Variants in MYCBP2 observed in about 807,000 individuals in gnomAD.
MYCBP2 encodes the protein E3 ubiquitin-protein ligase MYCBP2.
MYCBP2 carries 120 observed loss-of-function variants against 525.3 expected under a neutral mutation model. The observed-to-expected ratio is 0.23, with a 90% confidence interval of 0.20 to 0.27. The LOEUF is 0.27. Ranked by LOEUF, MYCBP2 falls within the 10% of genes least tolerant of loss-of-function variation. MYCBP2 has a pLI of 1.00. For synonymous variants in MYCBP2, 1,894 were observed against 1,955.8 expected, an observed-to-expected ratio of 0.97 and a Z score of 0.83; for missense variants, 4,149 against 5,657.1, an observed-to-expected ratio of 0.73 and a Z score of 8.55.
In MYCBP2 at chr13:77,078,724, T is replaced by C. The variant is rs2042775378; in HGVS notation, c.11484+100A>G. ...TCTGTAAATAGATAATTCCCTATAA[T>C]ACTTTGGTTGTGTGCCAAGGGTGGA... On this transcript the variant is annotated intron_variant, in intron 66 of 82. Transcript: ENST00000544440. 6 of 891,330 alleles carry C rather than the reference T, an allele frequency of 6.7e-6. No individual in the cohort carries two copies. The South Asian group carries it at 8.4e-5, about 12-fold the overall frequency. 55.2% of individuals were successfully genotyped at this position (891,330 alleles called of 1,614,324 possible).
intron 55 of MYCBP2, chr13:77,100,084 C>T (rs1168482558): frequency 6.6e-6 from 1 of 152,022 alleles, no homozygotes; most frequent in Non-Finnish European, 1.5e-5. Flanking sequence ...GTATAAAAAA[C>T]TGAAAATCCA....
At chr13:77,166,190 C>T (rs572246367) in intron 41 of MYCBP2, 139 bp downstream of exon 41, 20 of 645,304 alleles carry the variant, frequency 3.1e-5, no homozygotes, top group East Asian at 8.3e-5. Context: ...ATTTATTCCT[C>T]GAATGCAATC....
intron 61 of MYCBP2, among the ~76,000 whole-genome samples, chr13:77,088,460 A>G (rs1440231716): frequency 1.3e-5 from 2 of 152,098 alleles, no homozygotes; most frequent in Non-Finnish European, 2.9e-5. Context: ...AGGCCCAGAG[A>G]AGTTATTACT....
intron 72 of MYCBP2, among the ~76,000 whole-genome samples, chr13:77,065,120 A>T (rs1012586808): frequency 6.6e-6 from 1 of 152,170 alleles, no homozygotes; most frequent in Non-Finnish European, 1.5e-5. Flanking sequence ...TATTACAGGA[A>T]CCTAAAATAT....
chr13:77,092,689 G>C (rs2045632481), intron 59 of MYCBP2: 1 of 152,242 alleles, frequency 6.6e-6, no homozygotes, highest in Non-Finnish European at 1.5e-5. Flanking sequence ...GCCTCCCAAA[G>C]TGCTGGGATT....
chr13:77,297,670 T>C (rs2078339566), intron 1 of MYCBP2, among the ~76,000 whole-genome samples: 1 of 152,132 alleles, frequency 6.6e-6, no homozygotes, highest in Admixed American at 6.6e-5. Context: ...AAAAAAGTAA[T>C]GGGTTTGATT....
intron 15 of MYCBP2, among the ~76,000 whole-genome samples, chr13:77,250,204 C>T (rs2154327893): frequency 1.4e-5 from 2 of 138,242 alleles, no homozygotes; most frequent in South Asian, 2.3e-4. Flanking sequence ...GCCTGGGCGA[C>T]AGAGCGAGAC....
At chr13:77,254,822 T>A (rs1394661393) in intron 14 of MYCBP2, among the ~76,000 whole-genome samples, 2 of 151,810 alleles carry the variant, frequency 1.3e-5, no homozygotes, top group Admixed American at 6.6e-5. Flanking sequence ...ATGAAATCAA[T>A]TTTTTAGTTC....
chr13:77,168,638 T>C lies in MYCBP2; in HGVS notation c.5904A>G (p.Val1968=), dbSNP rs2058787454. Residue 1968 remains valine, a synonymous_variant, in exon 40 of 83, where the codon GTA becomes GTG. Coordinates refer to ENST00000544440, the MANE Select transcript of MYCBP2 (RefSeq NM_015057.5). ...ATTGTTGGACAAGGCCAAAGACTTC[T>C]ACAGCCACCTAGTACACATATAAAA... The part of the protein sequence containing the change: ...PVAAAIPKVA[V]EVFGLVQQLL... The C allele has an allele frequency of 1.2e-6, 2 of 1,614,144 alleles. No homozygotes were observed. The highest frequency in any genetic ancestry group is 2.7e-5 in the African/African-American group (2 of 75,060).
At chr13:77,263,337 T>A (rs1029431711) in intron 10 of MYCBP2, among the ~76,000 whole-genome samples, 2 of 152,012 alleles carry the variant, frequency 1.3e-5, no homozygotes, top group Non-Finnish European at 2.9e-5. Context: ...ATGCAGCATA[T>A]AAACTAATGA....
intron 17 of MYCBP2, among the ~76,000 whole-genome samples, chr13:77,237,473 G>C (rs925028853): frequency 6.6e-6 from 1 of 151,940 alleles, no homozygotes; most frequent in African/African-American, 2.4e-5. Context: ...AAAAATATAT[G>C]TATTATAACA....
intron 5 of MYCBP2, among the ~76,000 whole-genome samples, chr13:77,271,419 T>C (rs2074876018): frequency 6.6e-6 from 1 of 152,216 alleles, no homozygotes; most frequent in Non-Finnish European, 1.5e-5. Context: ...TTAAGCTTTA[T>C]GAAATGGACA....
At chr13:77,287,088 C>T (rs1415321640) in intron 3 of MYCBP2, among the ~76,000 whole-genome samples, 3 of 150,908 alleles carry the variant, frequency 2.0e-5, no homozygotes, top group Admixed American at 6.6e-5. Flanking sequence ...GGGGTTTCAC[C>T]GTGTTAGCCA....
At chr13:77,076,962 T>C in intron 67 of MYCBP2, 113 bp from the exon 68 acceptor site, 1 of 1,103,732 alleles carries the variant, frequency 9.1e-7, no homozygotes, top group Admixed American at 2.3e-5. Flanking sequence ...CTTGCTAATA[T>C]ACACCACTAT....
chr13:77,201,674 A>G (rs1266300677), intron 26 of MYCBP2, among the ~76,000 whole-genome samples: 1 of 151,676 alleles, frequency 6.6e-6, no homozygotes, highest in Non-Finnish European at 1.5e-5. Context: ...GTAAAAGAAC[A>G]GAAATTATAA....
At chr13:77,161,827 A>C (rs1239893179) in intron 44 of MYCBP2, 79 bp downstream of exon 44, 1 of 1,118,654 alleles carries the variant, frequency 8.9e-7, no homozygotes, top group Non-Finnish European at 1.3e-6. Flanking sequence ...CCAATGGTCA[A>C]GACAAATAGG....
chr13:77,187,306 T>C (rs748557076), intron 30 of MYCBP2, among the ~76,000 whole-genome samples: 17 of 152,126 alleles, frequency 1.1e-4, no homozygotes, highest in Non-Finnish European at 2.2e-4. Flanking sequence ...TTAAGACTAA[T>C]AGGATGCAAA....
At position 77,183,733 on chromosome 13, in the gene MYCBP2, G is replaced by C. The variant is rs191554491; in HGVS notation, c.4719+1370C>G. ...TGCCTGGCTAATTTTTGTATTTTTG[G>C]TAGAGACTGAGTTTTGCCATGTTAG... On this transcript the variant is annotated intron_variant, in intron 32 of 82. Coordinates refer to ENST00000544440, the MANE Select transcript of MYCBP2 (RefSeq NM_015057.5). 1.4e-3 allele frequency among the ~76,000 whole-genome samples: 206 copies of C among 151,278 alleles called. 1 individual carries two copies. The highest frequency in any genetic ancestry group is 4.8e-3 in the African/African-American group (197 of 41,254).
At chr13:77,261,439 G>A (rs1388316395) in intron 11 of MYCBP2, 64 bp from the exon 12 acceptor site, 20 of 1,180,570 alleles carry the variant, frequency 1.7e-5, no homozygotes, top group Non-Finnish European at 1.8e-5. Context: ...GGTTTCACAT[G>A]AGGAAAAAAA....
Sources: gnomAD v4.1 joint callset for allele counts (sites outside exome capture counted in the v4.1 genomes callset) on GRCh38, gnomAD v4.1.1 for gene constraint, MANE v1.5 for transcripts, NCBI Gene and HGNC (gene_info 2026-07-23, HGNC 2026-07-21) for gene names.